The following SMARCA1 variants were observed in gnomAD, a reference collection of about 807,000 sequenced individuals.
The protein encoded by SMARCA1 is SWI/SNF-related matrix-associated actin-dependent regulator of chromatin subfamily A member 1.
In SMARCA1, 17 loss-of-function variants were observed where a neutral mutation model predicts 93.6. That is an observed-to-expected ratio of 0.18 (90% confidence interval 0.12 to 0.27). SMARCA1 has a LOEUF of 0.27. Ranked by LOEUF, SMARCA1 falls within the 10% of genes least tolerant of loss-of-function variation. The probability of loss-of-function intolerance (pLI) is 1.00; values close to 1 mark genes in which losing one functional copy is unlikely to be tolerated. For missense variants in SMARCA1, 630 were observed against 819.0 expected (o/e 0.77, Z 2.82); for synonymous variants, 271 against 271.4 (o/e 1.00, Z 0.01).
intron 8 of SMARCA1, among the ~76,000 whole-genome samples, chrX:129,505,251 C>T (rs1449774592): frequency 8.9e-6 from 1 of 111,873 alleles, no homozygotes; most frequent in Non-Finnish European, 1.9e-5. Context: ...TGGCTCACAC[C>T]TGTAATCCCA....
At chrX:129,498,895 C>G (rs1274180807) in intron 10 of SMARCA1, among the ~76,000 whole-genome samples, 5 of 112,103 alleles carry the variant, frequency 4.5e-5, no homozygotes, top group African/African-American at 1.3e-4. Context: ...ACTTATGATT[C>G]CTTGTGACTT....
chrX:129,464,465 C>T (rs1215333895), intron 23 of SMARCA1, among the ~76,000 whole-genome samples: 3 of 112,394 alleles, frequency 2.7e-5, no homozygotes, highest in Non-Finnish European at 5.6e-5. Context: ...ACAATGCCAA[C>T]ATTAAAAATG....
chrX:129,513,143 T>C (rs1935068950), intron 5 of SMARCA1, among the ~76,000 whole-genome samples: 1 of 112,185 alleles, frequency 8.9e-6, no homozygotes. Flanking sequence ...TACTTCTAAG[T>C]AGCAGAATTA....
chrX:129,515,815 T>A, intron 4 of SMARCA1, 28 bp from the exon 5 acceptor site: 1 of 1,152,536 alleles, frequency 8.7e-7, no homozygotes, highest in Non-Finnish European at 1.2e-6. Flanking sequence ...GGACATTTCA[T>A]ACTTTCATTA....
At chrX:129,457,916 C>T (rs984936944) in intron 23 of SMARCA1, among the ~76,000 whole-genome samples, 13 of 111,923 alleles carry the variant, frequency 1.2e-4, no homozygotes, top group African/African-American at 4.2e-4. Flanking sequence ...TATCCTCTCC[C>T]TTTATACACC....
chrX:129,475,851 A>G (rs1167034724), intron 19 of SMARCA1, among the ~76,000 whole-genome samples: 1 of 112,386 alleles, frequency 8.9e-6, no homozygotes, highest in Non-Finnish European at 1.9e-5. Flanking sequence ...GTAACCTGAA[A>G]TCAGCTCACC....
At chrX:129,507,191 G>A (rs907618019) in intron 7 of SMARCA1, among the ~76,000 whole-genome samples, 1 of 111,547 alleles carries the variant, frequency 9.0e-6, no homozygotes, top group Non-Finnish European at 1.9e-5. Flanking sequence ...GATCCAAAGA[G>A]AGGTTCATCA....
At chrX:129,456,185 T>C (rs1373990239) in intron 23 of SMARCA1, among the ~76,000 whole-genome samples, 1 of 111,675 alleles carries the variant, frequency 9.0e-6, no homozygotes, top group South Asian at 3.8e-4. Flanking sequence ...CTAAATCCAC[T>C]CTACCTTAGC....
chrX:129,447,758 G>C (rs1016552550), intron 24 of SMARCA1, among the ~76,000 whole-genome samples: 2 of 111,322 alleles, frequency 1.8e-5, no homozygotes, highest in Admixed American at 9.6e-5. Flanking sequence ...TCTTAGATTC[G>C]ATGAAATATG....
intron 10 of SMARCA1, among the ~76,000 whole-genome samples, chrX:129,499,475 C>T (rs1027086527): frequency 3.6e-5 from 4 of 111,890 alleles, no homozygotes; most frequent in Admixed American, 2.9e-4. Context: ...GGCTATGTAA[C>T]TTGCCCAAGA....
At chrX:129,520,962 G>A (rs970039460) in intron 1 of SMARCA1, among the ~76,000 whole-genome samples, 6 of 110,496 alleles carry the variant, frequency 5.4e-5, no homozygotes, top group African/African-American at 1.6e-4. Context: ...ACTGCAACCT[G>A]AGCCTTCCGG....
intron 23 of SMARCA1, among the ~76,000 whole-genome samples, chrX:129,457,824 A>T (rs759023101): frequency 3.6e-5 from 4 of 111,927 alleles, no homozygotes; most frequent in Non-Finnish European, 7.5e-5. Flanking sequence ...CCATATGACA[A>T]TCTTTCACAT....
intron 23 of SMARCA1, among the ~76,000 whole-genome samples, chrX:129,451,197 A>G (rs752523632): frequency 8.9e-6 from 1 of 112,165 alleles, no homozygotes; most frequent in Non-Finnish European, 1.9e-5. Flanking sequence ...TAGTATGCAG[A>G]CCAAATATTC....
intron 23 of SMARCA1, among the ~76,000 whole-genome samples, chrX:129,449,950 G>A (rs1322360583): frequency 8.9e-6 from 1 of 112,770 alleles, no homozygotes; most frequent in Non-Finnish European, 1.9e-5. Flanking sequence ...GTGTGCATGT[G>A]CACATATATG....
intron 6 of SMARCA1, among the ~76,000 whole-genome samples, chrX:129,509,373 G>GA (rs112433102): frequency 4.9e-4 from 52 of 106,782 alleles, no homozygotes; most frequent in African/African-American, 1.6e-3. Flanking sequence ...GAGGAGGACA[G>GA]AAAAAAAAAG....
intron 14 of SMARCA1, among the ~76,000 whole-genome samples, chrX:129,491,127 T>A (rs1379937033): frequency 8.9e-6 from 1 of 112,080 alleles, no homozygotes; most frequent in Non-Finnish European, 1.9e-5. Flanking sequence ...AATGTCCCAG[T>A]GGTCAATCCC....
rs1417836388 is a variant in SMARCA1 at position 129,447,011 on chromosome X, G to A, written c.*151C>T. ...AATATAAAGCTACACATTTCAGGTA[G>A]AAAGCATTGTAAAATATATAAAATA... On this transcript the variant is annotated 3_prime_UTR_variant, in exon 25 of 25. Coordinates refer to ENST00000371121, the MANE Select transcript of SMARCA1 (RefSeq NM_001282874.2). 2.2e-6 allele frequency: 1 copy of A among 450,105 alleles called. No homozygotes were observed. Among genetic ancestry groups the A allele is most frequent in the Non-Finnish European group, 3.7e-6 (1 of 268,970 alleles). 37.1% of individuals were successfully genotyped at this position (450,105 alleles called of 1,213,427 possible). A position where few individuals can be genotyped will look rare whatever the true frequency, so the allele number is the denominator to read the frequency against.
chrX:129,461,260 T>A (rs1932802065), intron 23 of SMARCA1, among the ~76,000 whole-genome samples: 1 of 112,010 alleles, frequency 8.9e-6, no homozygotes, highest in African/African-American at 3.2e-5. Context: ...ATTTTTTTTT[T>A]AACTAAAATT....
chrX:129,502,627 T>C (rs1031987555), intron 9 of SMARCA1, among the ~76,000 whole-genome samples: 13 of 111,610 alleles, frequency 1.2e-4, no homozygotes, highest in Non-Finnish European at 5.6e-5. Context: ...ATGGAGAGGA[T>C]AAACTACTCT....
Sources: gnomAD v4.1 joint callset for allele counts (sites outside exome capture counted in the v4.1 genomes callset) on GRCh38, gnomAD v4.1.1 for gene constraint, MANE v1.5 for transcripts, NCBI Gene and HGNC (gene_info 2026-07-23, HGNC 2026-07-21) for gene names.